The following RBBP7 variants were observed in gnomAD, a reference collection of about 807,000 sequenced individuals.
RBBP7 encodes the protein histone-binding protein RBBP7.
A neutral mutation model predicts 35.2 loss-of-function variants in RBBP7; 5 were observed. The observed-to-expected ratio is 0.14, with a 90% confidence interval of 0.07 to 0.30. The LOEUF is 0.30. Ranked by LOEUF, RBBP7 falls within the 10% of genes least tolerant of loss-of-function variation. The pLI, the probability that RBBP7 is intolerant of heterozygous loss-of-function variation, is 1.00. For synonymous variants in RBBP7, 140 were observed against 118.7 expected, an observed-to-expected ratio of 1.18 and a Z score of -1.17; for missense variants, 155 against 327.5, an observed-to-expected ratio of 0.47 and a Z score of 4.07.
chrX:16,851,113 G>A (rs1413625650), intron 9 of RBBP7, among the ~76,000 whole-genome samples: 1 of 81,557 alleles, frequency 1.2e-5, no homozygotes, highest in Non-Finnish European at 2.2e-5. Flanking sequence ...GACAGAGCAA[G>A]ATTCAGTCTC....
rs1406213785 is a variant in RBBP7, at chrX:16,853,695, G to C, written c.745C>G (p.Gln249Glu). The change falls in exon 6 of 12, where the codon CAG (glutamine) becomes GAG (glutamate). Residue 249 changes from glutamine (Q) to glutamate (E), a missense_variant. Gln to Glu is a conservative substitution (Grantham distance 29). Transcript: ENST00000380087. ...ESLFGSVADD[Q>E]KLMIWDTRSN... ...TTTCCACCTTACATCATAAGTTTCT[G>C]ATCATCAGCAACAGATCCAAACAAT... 8.8e-7 allele frequency: 1 copy of C among 1,141,675 alleles called. No individual in the cohort carries two copies. The highest frequency in any genetic ancestry group is 1.2e-6 in the Non-Finnish European group (1 of 862,525). 94.1% of individuals were successfully genotyped at this position (1,141,675 alleles called of 1,213,427 possible). A position where few individuals can be genotyped will look rare whatever the true frequency, so the allele number is the denominator to read the frequency against.
Position 16,851,427 on chromosome X carries a change from A to G in RBBP7, c.1040+619T>C, listed in dbSNP as rs370132989. Reference sequence around the variant, plus strand: ...AGTATGTAACTGAGCAACTTTATTAAGTTCTAAAGGCTCAGATGAACAAGT... The same window carrying G: ...AGTATGTAACTGAGCAACTTTATTAGGTTCTAAAGGCTCAGATGAACAAGT... On this transcript the variant is annotated intron_variant, in intron 9 of 11. Coordinates refer to ENST00000380087, the MANE Select transcript of RBBP7 (RefSeq NM_002893.4). Among the ~76,000 whole-genome samples the G allele has an allele frequency of 8.0e-5, 9 of 112,316 alleles. No homozygotes were observed. In the East Asian group the frequency reaches 8.4e-4, roughly 10 times the overall value.
intron 1 of RBBP7, chrX:16,869,653 C>A (rs1197755304): frequency 9.0e-7 from 1 of 1,105,366 alleles, no homozygotes; most frequent in Non-Finnish European, 1.2e-6. Context: ...GGCCTGAGGA[C>A]CCCAGCAACC....
Position 16,863,118 on chromosome X carries a change from T to G in RBBP7, c.162-18A>C, listed in dbSNP as rs775132734. The G allele has an allele frequency of 1.0e-5, 12 of 1,191,955 alleles. No homozygotes were observed. Among genetic ancestry groups the G allele is most frequent in the African/African-American group, 1.8e-5 (1 of 56,804 alleles). ...CTTCAGGTCTGTTTAAGAAAGAAAATAAGTCACACTAATCCTACAAGAAAT... is the reference window on the plus strand; with the variant it reads ...CTTCAGGTCTGTTTAAGAAAGAAAAGAAGTCACACTAATCCTACAAGAAAT... On this transcript the variant is annotated intron_variant, in intron 2 of 11. Transcript: ENST00000380087.
At chrX:16,852,962 A>G in intron 6 of RBBP7, 87 bp from the exon 7 acceptor site, 1 of 1,182,930 alleles carries the variant, frequency 8.5e-7, no homozygotes. Flanking sequence ...CTCCACAACT[A>G]GCTCCACTAT....
chrX:16,849,452 T>A (rs1602415194), intron 9 of RBBP7, 151 bp from the exon 10 acceptor site: 1 of 483,064 alleles, frequency 2.1e-6, no homozygotes, highest in East Asian at 3.9e-5. Flanking sequence ...TAGGTTTTTT[T>A]TTTCCTTAGA....
chrX:16,857,260 G>A (rs1424975905), intron 5 of RBBP7, among the ~76,000 whole-genome samples: 1 of 111,873 alleles, frequency 8.9e-6, no homozygotes, highest in Non-Finnish European at 1.9e-5. Flanking sequence ...AAAACCCACT[G>A]AACTGTACAC....
chrX:16,859,773 G>A (rs912961959), intron 3 of RBBP7, among the ~76,000 whole-genome samples: 10 of 111,438 alleles, frequency 9.0e-5, no homozygotes, highest in African/African-American at 3.3e-4. Flanking sequence ...ATGCCTACTG[G>A]AGCCAGACAG....
At chrX:16,853,238 A>G (rs749192416) in intron 6 of RBBP7, 13 of 196,795 alleles carry the variant, frequency 6.6e-5, no homozygotes, top group African/African-American at 2.9e-4. Context: ...TTATAAGATT[A>G]TAAGTGAATG....
chrX:16,852,211 T>G lies in RBBP7; in HGVS notation c.964-89A>C. On this transcript the variant is annotated intron_variant, in intron 8 of 11. Coordinates refer to ENST00000380087, the MANE Select transcript of RBBP7 (RefSeq NM_002893.4). ...GTTCTAATCTGATATTTTCCCATCT[T>G]GCACTCTATTATCTTATCCTTGGCC... 6.1e-6 allele frequency: 5 copies of G among 826,172 alleles called. No individual in the cohort carries two copies. In the South Asian group the frequency reaches 8.9e-5, roughly 15 times the overall value. The allele number at this position is 826,172 out of a possible 1,213,427, so 68.1% of individuals were successfully genotyped here. A position where few individuals can be genotyped will look rare whatever the true frequency, so the allele number is the denominator to read the frequency against.
Position 16,870,236 on chromosome X carries a change from C to T in RBBP7, c.-183G>A, listed in dbSNP as rs1204172111. On this transcript the variant is annotated 5_prime_UTR_variant, in exon 1 of 12. Transcript: ENST00000380087. ...CGCGTCCTTCTTTCCTGCCTCCTCC[C>T]CGCTCGCGGGTACCGAGGTCTGAGG... 1.6e-6 allele frequency: 1 copy of T among 610,640 alleles called. No individual in the cohort carries two copies. The allele number at this position is 610,640 out of a possible 1,213,427, so 50.3% of individuals were successfully genotyped here. A position where few individuals can be genotyped will look rare whatever the true frequency, so the allele number is the denominator to read the frequency against.
intron 3 of RBBP7, among the ~76,000 whole-genome samples, chrX:16,861,081 C>T (rs773268581): frequency 2.4e-3 from 264 of 110,546 alleles, no homozygotes; most frequent in African/African-American, 8.4e-3. Flanking sequence ...GGCTGAGGTA[C>T]GAGAATCACT....
chrX:16,869,975 G>C, intron 1 of RBBP7, 63 bp downstream of exon 1: 1 of 752,336 alleles, frequency 1.3e-6, no homozygotes, highest in Non-Finnish European at 1.6e-6. Context: ...GGCGCGTGCC[G>C]CGGCCTCGCG....
intron 2 of RBBP7, among the ~76,000 whole-genome samples, chrX:16,866,193 T>C (rs769593493): frequency 5.4e-5 from 6 of 111,562 alleles, no homozygotes; most frequent in Non-Finnish European, 1.1e-4. Flanking sequence ...CAACAAGAGA[T>C]ATGAAATAAC....
Position 16,849,312 on chromosome X carries a change from A to G in RBBP7, c.1041-11T>C. 2 of 1,202,016 alleles carry G rather than the reference A, an allele frequency of 1.7e-6. No homozygotes were observed. The highest frequency in any genetic ancestry group is 2.3e-6 in the Non-Finnish European group (2 of 887,442). Reference sequence around the variant, plus strand: ...TCTTCCCCAATTTTACTGTAAGAATAAAGAATATAACGCTTTCATCAGTGA... The same window carrying G: ...TCTTCCCCAATTTTACTGTAAGAATGAAGAATATAACGCTTTCATCAGTGA... On this transcript the variant is annotated splice_polypyrimidine_tract_variant and intron_variant, in intron 9 of 11. Coordinates refer to ENST00000380087, the MANE Select transcript of RBBP7 (RefSeq NM_002893.4).
intron 6 of RBBP7, chrX:16,853,134 T>TA: frequency 2.7e-6 from 1 of 365,167 alleles, no homozygotes; most frequent in Non-Finnish European, 4.7e-6. Flanking sequence ...GTACACAAAA[T>TA]ACAGACTATG....
chrX:16,858,504 G>T (rs1214277064), intron 4 of RBBP7, among the ~76,000 whole-genome samples, 172 bp downstream of exon 4: 1 of 111,806 alleles, frequency 8.9e-6, no homozygotes, highest in Non-Finnish European at 1.9e-5. Context: ...GTTAGTATAA[G>T]CTGCTTTTAG....
chrX:16,857,954 C>T (rs932142498), intron 4 of RBBP7, among the ~76,000 whole-genome samples: 11 of 111,149 alleles, frequency 9.9e-5, no homozygotes, highest in African/African-American at 3.3e-4. Flanking sequence ...CAGTGGTGAC[C>T]GTATCCCCGC....
intron 4 of RBBP7, 41 bp downstream of exon 4, chrX:16,858,635 G>A: frequency 1.7e-6 from 2 of 1,187,191 alleles, no homozygotes; most frequent in Non-Finnish European, 2.3e-6. Flanking sequence ...TTTGAATCAA[G>A]AAAACTGCTC....
Sources: allele counts gnomAD v4.1 joint callset (sites outside exome capture counted in the v4.1 genomes callset), GRCh38; gene constraint gnomAD v4.1.1; transcripts MANE v1.5; gene names NCBI Gene and HGNC (gene_info 2026-07-23, HGNC 2026-07-21).